Variants in RANBP9 observed in about 807,000 individuals in gnomAD.
The protein encoded by RANBP9 is ran-binding protein 9.
RANBP9 carries 15 observed loss-of-function variants against 84.3 expected under a neutral mutation model. The observed-to-expected ratio is 0.18, with a 90% confidence interval of 0.12 to 0.27. RANBP9 has a LOEUF of 0.27. Ranked by LOEUF, RANBP9 falls within the 10% of genes least tolerant of loss-of-function variation. The pLI is 1.00. For missense variants in RANBP9, 809 were observed against 912.8 expected (o/e 0.89, Z 1.46); for synonymous variants, 392 against 349.6 (o/e 1.12, Z -1.35).
At position 13,634,658 on chromosome 6, in the gene RANBP9, A is replaced by C. The variant is rs981349047; in HGVS notation, c.1674-106T>G. 1.1e-5 allele frequency: 12 copies of C among 1,064,750 alleles called. No individual in the cohort carries two copies. In the African/African-American group the frequency reaches 1.4e-4, roughly 13 times the overall value. 66.0% of individuals were successfully genotyped at this position (1,064,750 alleles called of 1,614,324 possible). Reference sequence around the variant, plus strand: ...AGCCTACGAATAAACTAATTTCATAAGGCAACAGAAATCTGCAAAAAAGGT... The same window carrying C: ...AGCCTACGAATAAACTAATTTCATACGGCAACAGAAATCTGCAAAAAAGGT... On this transcript the variant is annotated intron_variant, in intron 10 of 13. Transcript: ENST00000011619.
intron 12 of RANBP9, among the ~76,000 whole-genome samples, chr6:13,628,222 A>G (rs932427570): frequency 6.6e-6 from 1 of 152,184 alleles, no homozygotes; most frequent in Non-Finnish European, 1.5e-5. Context: ...AAGAAGAAAA[A>G]ACATCTAAAA....
intron 2 of RANBP9, among the ~76,000 whole-genome samples, chr6:13,685,181 A>C (rs1766143237): frequency 6.6e-6 from 1 of 152,244 alleles, no homozygotes; most frequent in Non-Finnish European, 1.5e-5. Flanking sequence ...ACGGAAATAA[A>C]GACAAATTTC....
chr6:13,696,323 C>T (rs1212300894), intron 2 of RANBP9, among the ~76,000 whole-genome samples: 1 of 152,212 alleles, frequency 6.6e-6, no homozygotes, highest in Non-Finnish European at 1.5e-5. Context: ...AATTTCTAAA[C>T]CACATCCTAA....
chr6:13,647,488 G>A (rs1356607284), intron 5 of RANBP9, among the ~76,000 whole-genome samples: 1 of 152,062 alleles, frequency 6.6e-6, no homozygotes, highest in Admixed American at 6.5e-5. Context: ...TGTATATATG[G>A]ACACAGAAAG....
rs578080930 is a variant in RANBP9 at position 13,652,402 on chromosome 6, G to C, written c.927+257C>G. ...GGAAATACATTTCAAATGAATGAAT[G>C]GTGACATTTAAAAAGACACTTGAGA... On this transcript the variant is annotated intron_variant, in intron 5 of 13. Transcript: ENST00000011619. Among the ~76,000 whole-genome samples the C allele has an allele frequency of 6.6e-5, 10 of 152,224 alleles. No homozygotes were observed. In the East Asian group the frequency reaches 1.9e-3, roughly 29 times the overall value.
chr6:13,703,478 C>A, intron 1 of RANBP9, among the ~76,000 whole-genome samples: 1 of 152,214 alleles, frequency 6.6e-6, no homozygotes, highest in East Asian at 1.9e-4. Flanking sequence ...AGAAGTGAGA[C>A]CCAGACTATC....
At chr6:13,677,208 C>A (rs779669419) in intron 2 of RANBP9, among the ~76,000 whole-genome samples, 3 of 152,074 alleles carry the variant, frequency 2.0e-5, no homozygotes, top group Non-Finnish European at 4.4e-5. Flanking sequence ...TTCCTACGCA[C>A]CAGCAATGAA....
intron 5 of RANBP9, among the ~76,000 whole-genome samples, chr6:13,648,039 T>C (rs556336208): frequency 6.6e-6 from 1 of 151,932 alleles, no homozygotes; most frequent in East Asian, 1.9e-4. Flanking sequence ...CATTTCCCCG[T>C]TCCCCCTGGC....
intron 2 of RANBP9, among the ~76,000 whole-genome samples, chr6:13,669,829 G>A (rs1283636132): frequency 6.6e-6 from 1 of 152,074 alleles, no homozygotes; most frequent in Non-Finnish European, 1.5e-5. Flanking sequence ...CTGGGCTCAA[G>A]CAATACTGTC....
At chr6:13,645,049 T>C (rs576921887) in intron 5 of RANBP9, among the ~76,000 whole-genome samples, 1 of 152,332 alleles carries the variant, frequency 6.6e-6, no homozygotes, top group Admixed American at 6.5e-5. Context: ...TCTAAGATTA[T>C]GTCATATAGT....
chr6:13,669,136 T>TA (rs145178189), intron 2 of RANBP9, among the ~76,000 whole-genome samples: 56,078 of 150,204 alleles, frequency 0.37, 10,686 homozygotes, highest in Admixed American at 0.49. Flanking sequence ...TGGAACAGAA[T>TA]AAAAAAAAAG....
chr6:13,685,947 T>C (rs181315538), intron 2 of RANBP9, among the ~76,000 whole-genome samples: 1 of 148,556 alleles, frequency 6.7e-6, no homozygotes, highest in African/African-American at 2.5e-5. Context: ...AAAAAAAGAG[T>C]ATAACTAAGC....
chr6:13,638,615 G>A (rs979013614), intron 9 of RANBP9, among the ~76,000 whole-genome samples: 3 of 152,118 alleles, frequency 2.0e-5, no homozygotes, highest in African/African-American at 7.2e-5. Context: ...AGCAGTGCTT[G>A]AGGCCAGGAG....
At chr6:13,666,798 A>G (rs1046968705) in intron 2 of RANBP9, among the ~76,000 whole-genome samples, 2 of 151,916 alleles carry the variant, frequency 1.3e-5, no homozygotes, top group African/African-American at 4.8e-5. Flanking sequence ...TGGAATAAAT[A>G]CTACAAGAAA....
At chr6:13,696,329 C>T (rs1310817724) in intron 2 of RANBP9, among the ~76,000 whole-genome samples, 9 of 152,174 alleles carry the variant, frequency 5.9e-5, no homozygotes, top group Admixed American at 6.5e-5. Flanking sequence ...TAAACCACAT[C>T]CTAAACCTTG....
intron 2 of RANBP9, among the ~76,000 whole-genome samples, chr6:13,686,091 A>C (rs1327823832): frequency 1.9e-4 from 17 of 88,140 alleles, no homozygotes; most frequent in South Asian, 5.7e-4. Context: ...CTGAATTTCC[A>C]AAATTTCTTC....
chr6:13,690,818 G>T (rs1584945066), intron 2 of RANBP9, among the ~76,000 whole-genome samples: 1 of 152,182 alleles, frequency 6.6e-6, no homozygotes, highest in East Asian at 1.9e-4. Context: ...AACGGTCAAT[G>T]ATCACTAAAA....
chr6:13,708,241 G>A (rs974799955), intron 1 of RANBP9, among the ~76,000 whole-genome samples: 2 of 151,960 alleles, frequency 1.3e-5, no homozygotes, highest in African/African-American at 4.8e-5. Context: ...AGGCAACACA[G>A]TAAGACCCCA....
At chr6:13,701,492 G>C (rs942176859) in intron 1 of RANBP9, among the ~76,000 whole-genome samples, 4 of 152,180 alleles carry the variant, frequency 2.6e-5, no homozygotes, top group African/African-American at 9.7e-5. Flanking sequence ...CAGGAGGCCA[G>C]CTGGGTGCGG....
Sources: allele counts gnomAD v4.1 joint callset (sites outside exome capture counted in the v4.1 genomes callset), GRCh38; gene constraint gnomAD v4.1.1; transcripts MANE v1.5; gene names NCBI Gene and HGNC (gene_info 2026-07-23, HGNC 2026-07-21).